ARB2A: variants seen among roughly 807,000 people sequenced by gnomAD.
ARB2A encodes cotranscriptional regulator ARB2A.
the ARB2A span, among the ~76,000 whole-genome samples, chr5:93,627,591 C>T: frequency 3.3e-5 from 5 of 151,828 alleles, no homozygotes; most frequent in African/African-American, 9.7e-5. Flanking sequence ...ATTACAGGTG[C>T]GCACCACCAC....
At chr5:93,985,215 G>A in the ARB2A span, among the ~76,000 whole-genome samples, 1 of 152,132 alleles carries the variant, frequency 6.6e-6, no homozygotes, top group African/African-American at 2.4e-5. Context: ...TTACCCTGGT[G>A]AACTCCCCTG....
chr5:93,822,471 GA>G, the ARB2A span, among the ~76,000 whole-genome samples: 2 of 152,070 alleles, frequency 1.3e-5, no homozygotes, highest in East Asian at 3.9e-4. Context: ...TAAAAAATGG[GA>G]ATTTATGTTT....
At chr5:93,786,426 C>T in the ARB2A span, among the ~76,000 whole-genome samples, 11 of 152,330 alleles carry the variant, frequency 7.2e-5, no homozygotes, top group Non-Finnish European at 1.3e-4. Context: ...CACACTGTCA[C>T]ATTATAATCC....
chr5:93,892,589 G>A, the ARB2A span, among the ~76,000 whole-genome samples: 3 of 151,884 alleles, frequency 2.0e-5, no homozygotes, highest in Non-Finnish European at 4.4e-5. Flanking sequence ...TACCTCTGGG[G>A]GGGGGAAAAC....
chr5:93,683,676 G>C, the ARB2A span: 1 of 1,608,458 alleles, frequency 6.2e-7, no homozygotes, highest in Non-Finnish European at 8.5e-7. Context: ...GATAGTTCTG[G>C]GGCCTCAGGG....
the ARB2A span, among the ~76,000 whole-genome samples, chr5:94,055,368 A>C: frequency 1.3e-5 from 2 of 152,178 alleles, no homozygotes; most frequent in East Asian, 1.9e-4. Flanking sequence ...AATATAACAA[A>C]TCTTTCTGTA....
chr5:93,626,482 G>A, the ARB2A span, among the ~76,000 whole-genome samples: 4 of 152,192 alleles, frequency 2.6e-5, no homozygotes, highest in African/African-American at 9.7e-5. Flanking sequence ...AAAAGGTCAT[G>A]GAATACAGGC....
chr5:93,854,487 C>T, the ARB2A span, among the ~76,000 whole-genome samples: 1 of 151,984 alleles, frequency 6.6e-6, no homozygotes, highest in African/African-American at 2.4e-5. Flanking sequence ...TTATTTCTTG[C>T]CTTCTGCTAG....
the ARB2A span, among the ~76,000 whole-genome samples, chr5:93,760,100 C>A: frequency 6.6e-6 from 1 of 152,170 alleles, no homozygotes; most frequent in African/African-American, 2.4e-5. Context: ...TATACACCAA[C>A]AGCGACCAAG....
the ARB2A span, among the ~76,000 whole-genome samples, chr5:93,884,142 T>C: frequency 6.6e-6 from 1 of 151,654 alleles, no homozygotes. Context: ...CATGGCATCA[T>C]CTTTGTATAA....
At chr5:93,784,764 G>C in the ARB2A span, among the ~76,000 whole-genome samples, 1 of 152,100 alleles carries the variant, frequency 6.6e-6, no homozygotes, top group Non-Finnish European at 1.5e-5. Context: ...TTGACGATTC[G>C]AGGATTAAAG....
the ARB2A span, chr5:93,741,159 C>T: frequency 6.2e-7 from 1 of 1,613,908 alleles, no homozygotes; most frequent in East Asian, 2.2e-5. Flanking sequence ...TCAACCTCTT[C>T]TGCCTCAACT....
the ARB2A span, among the ~76,000 whole-genome samples, chr5:93,676,880 G>A: frequency 2.0e-5 from 3 of 152,192 alleles, no homozygotes; most frequent in East Asian, 3.9e-4. Context: ...ACTGCTTGTC[G>A]GGTGAAGGAA....
At chr5:94,023,348 A>C in the ARB2A span, among the ~76,000 whole-genome samples, 1 of 152,354 alleles carries the variant, frequency 6.6e-6, no homozygotes, top group Non-Finnish European at 1.5e-5. Context: ...TTTGACTTAA[A>C]ATCAATGATA....
chr5:94,105,424 C>T, the ARB2A span, among the ~76,000 whole-genome samples: 1 of 151,906 alleles, frequency 6.6e-6, no homozygotes, highest in Non-Finnish European at 1.5e-5. Flanking sequence ...GCATACAGCT[C>T]AACAGGGAGG....
At chr5:93,915,709 G>C in the ARB2A span, among the ~76,000 whole-genome samples, 1 of 151,922 alleles carries the variant, frequency 6.6e-6, no homozygotes, top group East Asian at 1.9e-4. Context: ...CTATCTTTAT[G>C]ATTTTATTAA....
chr5:93,682,479 G>A, the ARB2A span, among the ~76,000 whole-genome samples: 1 of 148,564 alleles, frequency 6.7e-6, no homozygotes, highest in African/African-American at 2.5e-5. Context: ...AACAGCTCTT[G>A]AATAAATTTT....
the ARB2A span, among the ~76,000 whole-genome samples, chr5:93,796,679 T>C: frequency 1.3e-5 from 2 of 152,200 alleles, no homozygotes; most frequent in Non-Finnish European, 2.9e-5. Context: ...TCTATTCAAC[T>C]AACTTTTAAG....
chr5:93,820,242 C>T, the ARB2A span, among the ~76,000 whole-genome samples: 15 of 152,104 alleles, frequency 9.9e-5, no homozygotes, highest in African/African-American at 1.9e-4. Context: ...GCACTGCAAA[C>T]GGGGAAGGTA....
Sources: gnomAD v4.1 joint callset for allele counts (sites outside exome capture counted in the v4.1 genomes callset) on GRCh38, gnomAD v4.1.1 for gene constraint, MANE v1.5 for transcripts, NCBI Gene and HGNC (gene_info 2026-07-23, HGNC 2026-07-21) for gene names.